Variants in ELP6 observed in about 807,000 individuals in gnomAD.
The protein encoded by ELP6 is elongator complex protein 6.
ELP6 carries 23 observed loss-of-function variants against 28.1 expected under a neutral mutation model. The ratio of observed to expected loss-of-function variants is 0.82; its 90% confidence interval spans 0.59 to 1.16. The LOEUF (loss-of-function observed/expected upper bound fraction) is 1.16. Among genes scored for constraint, ELP6 ranks in the 50% most tolerant of loss-of-function variants. The pLI is 0.00. For missense variants in ELP6, 313 were observed against 334.6 expected, an observed-to-expected ratio of 0.94 and a Z score of 0.50; for synonymous variants, 132 against 135.8, an observed-to-expected ratio of 0.97 and a Z score of 0.19.
At chr3:47,507,298 T>G (rs1576347842) in intron 3 of ELP6, among the ~76,000 whole-genome samples, 1 of 149,202 alleles carries the variant, frequency 6.7e-6, no homozygotes, top group Admixed American at 6.7e-5. Context: ...GAAGCGGAGG[T>G]TATGGTGAGC....
At position 47,495,914 on chromosome 3, in the gene ELP6, T is replaced by G; in HGVS notation, c.*155A>C. Reference sequence around the variant, plus strand: ...AACAGGGCCCAGGGCAGCCAAGGCATGCCATCACTGCAGCACTCAACCCTC... The same window carrying G: ...AACAGGGCCCAGGGCAGCCAAGGCAGGCCATCACTGCAGCACTCAACCCTC... On this transcript the variant is annotated 3_prime_UTR_variant, in exon 7 of 7. Transcript: ENST00000296149. The G allele has an allele frequency of 7.6e-7, 1 of 1,308,970 alleles. No homozygotes were observed. Among genetic ancestry groups the G allele is most frequent in the East Asian group, 2.6e-5 (1 of 38,464 alleles). 81.1% of individuals were successfully genotyped at this position (1,308,970 alleles called of 1,614,324 possible). A position where few individuals can be genotyped will look rare whatever the true frequency, so the allele number is the denominator to read the frequency against.
intron 4 of ELP6, 122 bp from the exon 5 acceptor site, chr3:47,501,973 A>G (rs1270855774): frequency 5.5e-6 from 5 of 904,484 alleles, no homozygotes; most frequent in Non-Finnish European, 8.5e-6. Context: ...TCTTGGCAAC[A>G]AAGACTTCAT....
intron 4 of ELP6, chr3:47,503,330 G>A (rs142128411): frequency 2.4e-5 from 31 of 1,289,258 alleles, no homozygotes; most frequent in African/African-American, 2.3e-4. Context: ...GCAGCCAAGC[G>A]GGGAGTCTTC....
intron 3 of ELP6, among the ~76,000 whole-genome samples, chr3:47,507,292 C>T (rs530524445): frequency 1.7e-4 from 25 of 147,266 alleles, no homozygotes; most frequent in Non-Finnish European, 3.0e-4. Context: ...ACCTGGGAAG[C>T]GGAGGTTATG....
chr3:47,510,714 C>T (rs1479692105), intron 2 of ELP6, among the ~76,000 whole-genome samples: 1 of 152,216 alleles, frequency 6.6e-6, no homozygotes, highest in African/African-American at 2.4e-5. Flanking sequence ...CCCACCTGGG[C>T]CTCCCGAATG....
intron 4 of ELP6, 58 bp downstream of exon 4, chr3:47,504,272 C>T (rs1708758138): frequency 7.9e-6 from 12 of 1,514,834 alleles, no homozygotes; most frequent in African/African-American, 1.4e-5. Context: ...CAACCAGGAA[C>T]CCTGCCTGGG....
chr3:47,507,190 CTG>C (rs1044925670), intron 3 of ELP6, among the ~76,000 whole-genome samples: 2 of 151,728 alleles, frequency 1.3e-5, no homozygotes, highest in Non-Finnish European at 2.9e-5. Flanking sequence ...TGGTAAAACC[CTG>C]TCTCTATGAA....
intron 4 of ELP6, 29 bp downstream of exon 4, chr3:47,504,301 C>A: frequency 6.4e-7 from 1 of 1,564,196 alleles, no homozygotes; most frequent in Admixed American, 1.9e-5. Context: ...CCACGTGTTG[C>A]TTCCGGGCTG....
intron 3 of ELP6, among the ~76,000 whole-genome samples, chr3:47,505,634 C>T (rs1348849432): frequency 1.3e-5 from 2 of 152,066 alleles, no homozygotes; most frequent in Admixed American, 6.6e-5. Context: ...TGCAATGGTG[C>T]GATCTTGGCT....
chr3:47,503,678 G>A (rs921862780), intron 4 of ELP6, among the ~76,000 whole-genome samples: 3 of 152,038 alleles, frequency 2.0e-5, no homozygotes, highest in Admixed American at 6.6e-5. Flanking sequence ...CGAGGCGGGC[G>A]GATCACGAGG....
chr3:47,497,746 T>C (rs543743485), intron 6 of ELP6, among the ~76,000 whole-genome samples: 1 of 151,894 alleles, frequency 6.6e-6, no homozygotes, highest in Non-Finnish European at 1.5e-5. Flanking sequence ...CTGGCCAACA[T>C]GGTGAAACCC....
At position 47,510,199 on chromosome 3, in the gene ELP6, G is replaced by A. The variant is rs920510328; in HGVS notation, c.189C>T (p.Ile63=). ...AAATATTTACCAGCTTCTGTCCCAC[G>A]ATACTGTAGTGGCTGAAGGACTGGA... is the stretch of plus-strand genomic sequence containing the variant. ...ALIQSFSHYS[I]VGQKLGVSLT... Residue 63 remains isoleucine (I), a synonymous_variant, in exon 3 of 7, where the codon ATC becomes ATT. Coordinates refer to ENST00000296149, the MANE Select transcript of ELP6 (RefSeq NM_001031703.3). The A allele has an allele frequency of 1.9e-5, 31 of 1,613,520 alleles. No individual in the cohort carries two copies. The highest frequency in any genetic ancestry group is 1.2e-4 in the African/African-American group (9 of 74,912).
chr3:47,511,546 T>C (rs921011574), intron 1 of ELP6: 21 of 920,312 alleles, frequency 2.3e-5, no homozygotes, highest in South Asian at 2.0e-4. Flanking sequence ...TTAGGAAGAA[T>C]TGGATCCTGA....
intron 6 of ELP6, 127 bp downstream of exon 6, chr3:47,498,159 C>T: frequency 7.0e-7 from 1 of 1,424,270 alleles, no homozygotes; most frequent in South Asian, 1.3e-5. Flanking sequence ...TCACAATTTC[C>T]AGTGTTTCCC....
chr3:47,505,476 C>T (rs1287168640), intron 3 of ELP6, among the ~76,000 whole-genome samples: 1 of 152,108 alleles, frequency 6.6e-6, no homozygotes, highest in East Asian at 1.9e-4. Context: ...GCAATCTCAG[C>T]TCACTGCAAC....
chr3:47,513,460 G>T, intron 1 of ELP6, 77 bp downstream of exon 1: 4 of 1,572,688 alleles, frequency 2.5e-6, no homozygotes, highest in South Asian at 1.1e-5. Context: ...CCCCGGGGTC[G>T]TGCGCACCGC....
At position 47,496,110 on chromosome 3, in the gene ELP6, C is replaced by T. The variant is rs200718652; in HGVS notation, c.760G>A (p.Val254Met). The change falls in exon 7 of 7, where the codon GTG (valine) becomes ATG (methionine). Residue 254 changes from valine to methionine, a missense_variant. Transcript: ENST00000296149. ...GACATTCCTTTGGCAAAAAAGGACA[C>T]GCTTTTGTCCTGTATCTTATACTGG... is the stretch of plus-strand genomic sequence containing the variant. ...TYQYKIQDKSVSFFAKGMSPA... is the reference protein window; with the variant it reads ...TYQYKIQDKSMSFFAKGMSPA... 2.4e-5 allele frequency: 38 copies of T among 1,614,130 alleles called. No homozygotes were observed. The highest frequency in any genetic ancestry group is 1.7e-4 in the Middle Eastern group (1 of 6,060).
chr3:47,499,960 G>A (rs942491312), intron 5 of ELP6: 42 of 1,351,074 alleles, frequency 3.1e-5, no homozygotes, highest in South Asian at 8.0e-5. Flanking sequence ...TGGTGGTGTC[G>A]GCCAAGTTTG....
chr3:47,513,342 TG>T, intron 1 of ELP6, 194 bp downstream of exon 1: 1 of 1,401,430 alleles, frequency 7.1e-7, no homozygotes, highest in African/African-American at 1.5e-5. Context: ...ATATGCGAGA[TG>T]GCCCAGAAGC....
Sources: allele counts gnomAD v4.1 joint callset (sites outside exome capture counted in the v4.1 genomes callset), GRCh38; gene constraint gnomAD v4.1.1; transcripts MANE v1.5; gene names NCBI Gene and HGNC (gene_info 2026-07-23, HGNC 2026-07-21).